The following WDR41 variants were observed in gnomAD, a reference collection of about 807,000 sequenced individuals.
WDR41 encodes the protein WD repeat-containing protein 41.
In WDR41, 63 loss-of-function variants were observed where a neutral mutation model predicts 69.3. The observed-to-expected ratio is 0.91, with a 90% confidence interval of 0.74 to 1.12. The LOEUF is 1.12. Ranked by LOEUF, WDR41 falls within the 50% of genes most tolerant of loss-of-function variation. The pLI is 0.00. For synonymous variants in WDR41, 185 were observed against 192.1 expected, an observed-to-expected ratio of 0.96 and a Z score of 0.31; for missense variants, 543 against 534.5, an observed-to-expected ratio of 1.02 and a Z score of -0.16.
chr5:77,584,270 A>G (rs897091338), intron 1 of WDR41, among the ~76,000 whole-genome samples: 5 of 152,196 alleles, frequency 3.3e-5, no homozygotes, highest in Non-Finnish European at 7.3e-5. Flanking sequence ...AATAAAAGAC[A>G]TATAGACTAG....
intron 2 of WDR41, among the ~76,000 whole-genome samples, chr5:77,470,117 C>A (rs1259052394): frequency 6.6e-6 from 1 of 151,468 alleles, no homozygotes; most frequent in Non-Finnish European, 1.5e-5. Flanking sequence ...TAATGGGGGC[C>A]AATATTCAAC....
intron 1 of WDR41, among the ~76,000 whole-genome samples, chr5:77,502,391 T>A (rs1802031613): frequency 6.6e-6 from 1 of 151,302 alleles, no homozygotes; most frequent in Non-Finnish European, 1.5e-5. Flanking sequence ...AAATCTACGT[T>A]TGATAGGTGT....
chr5:77,497,188 T>C (rs143289143), upstream of WDR41, among the ~76,000 whole-genome samples: 538 of 152,268 alleles, frequency 3.5e-3, 5 homozygotes, highest in African/African-American at 0.012. Context: ...ACATTAAATT[T>C]GGCAAAATTT....
intron 1 of WDR41, among the ~76,000 whole-genome samples, chr5:77,544,338 T>C (rs1253701466): frequency 3.3e-5 from 5 of 152,048 alleles, no homozygotes; most frequent in South Asian, 2.1e-4. Flanking sequence ...TAACATTGAA[T>C]GTAAATGGCC....
In WDR41 at chr5:77,435,188, A is replaced by G. The variant is rs141830744; in HGVS notation, c.1227+1073T>C. ...AGCTACTTGTTAGAGGAAAGCAAAG[A>G]TAACTATGACACTGTACCCCAACAT... On this transcript the variant is annotated intron_variant, in intron 12 of 12. Coordinates refer to ENST00000296679, the MANE Select transcript of WDR41 (RefSeq NM_018268.4). Among the ~76,000 whole-genome samples the G allele has an allele frequency of 4.6e-5, 7 of 152,368 alleles. No homozygotes were observed. The East Asian group carries it at 1.2e-3, about 25-fold the overall frequency.
rs539902686 is a variant in WDR41, at chr5:77,606,743, C to CTGGT, written c.42+13735_42+13736insACCA. Reference sequence around the variant, plus strand: ...ACTTGAGACCAGGAGTTTGAGGCTGCACCAAGCCATGATTGTGCCACTGCA... The same window carrying CTGGT: ...ACTTGAGACCAGGAGTTTGAGGCTGCTGGTACCAAGCCATGATTGTGCCACTGCA... On this transcript the variant is annotated intron_variant, in intron 1 of 5. Transcript: ENST00000509971. Among the ~76,000 whole-genome samples, 108 of 151,968 alleles carry CTGGT rather than the reference C, an allele frequency of 7.1e-4. No homozygotes were observed. In the East Asian group the frequency reaches 0.017, roughly 24 times the overall value.
intron 2 of WDR41, among the ~76,000 whole-genome samples, chr5:77,488,178 G>A (rs947210835): frequency 5.3e-5 from 8 of 152,216 alleles, no homozygotes; most frequent in Non-Finnish European, 1.0e-4. Context: ...TACATGGCTT[G>A]CAGCTAGTGT....
chr5:77,547,000 A>C (rs1743211506), intron 1 of WDR41, among the ~76,000 whole-genome samples: 1 of 152,190 alleles, frequency 6.6e-6, no homozygotes, highest in Non-Finnish European at 1.5e-5. Context: ...TACATCACAT[A>C]AACAGAATTA....
rs561743168 is a variant in WDR41, at chr5:77,488,716, A to G, written c.167+741T>C. On this transcript the variant is annotated intron_variant, in intron 2 of 12. Transcript: ENST00000296679. ...CCACCATCTATGAATTATCTGCTACATGTAAGGCACTGTACTAGGTACTAA... is the reference window on the plus strand; with the variant it reads ...CCACCATCTATGAATTATCTGCTACGTGTAAGGCACTGTACTAGGTACTAA... 9.3e-4 allele frequency among the ~76,000 whole-genome samples: 141 copies of G among 152,316 alleles called. 1 individual carries two copies. In the South Asian group the frequency reaches 0.028, roughly 30 times the overall value.
intron 5 of WDR41, chr5:77,458,786 CT>C: frequency 3.9e-6 from 1 of 258,050 alleles, no homozygotes; most frequent in Non-Finnish European, 7.3e-6. Context: ...AGTAATATCT[CT>C]TCCTGGAACT....
chr5:77,433,060 A>ATATT lies in WDR41; in HGVS notation c.*71_*74dup. On this transcript the variant is annotated 3_prime_UTR_variant, in exon 13 of 13. Transcript: ENST00000296679. ...AAAATTACCAATTTAAGTGATCAAT[A>ATATT]TATTAATGGTTTTCAGAGTAGTACC... 2.1e-6 allele frequency: 3 copies of ATATT among 1,447,364 alleles called. No homozygotes were observed. Among genetic ancestry groups the ATATT allele is most frequent in the Non-Finnish European group, 2.8e-6 (3 of 1,086,238 alleles). 89.7% of individuals were successfully genotyped at this position (1,447,364 alleles called of 1,614,324 possible).
intron 9 of WDR41, 69 bp from the exon 10 acceptor site, chr5:77,438,430 C>T (rs769197340): frequency 3.2e-6 from 5 of 1,578,582 alleles, no homozygotes; most frequent in Non-Finnish European, 4.3e-6. Context: ...GGATTTCCAG[C>T]CCTCATGTGA....
At chr5:77,443,234 T>C in intron 8 of WDR41, among the ~76,000 whole-genome samples, 1 of 152,176 alleles carries the variant, frequency 6.6e-6, no homozygotes. Context: ...TTTGCGCCCC[T>C]GGTAGTATTT....
chr5:77,538,200 T>C (rs1471751327), intron 1 of WDR41, among the ~76,000 whole-genome samples: 1 of 152,212 alleles, frequency 6.6e-6, no homozygotes, highest in East Asian at 1.9e-4. Context: ...CATGCAATAT[T>C]AATCTTTTGT....
chr5:77,604,609 T>A (rs983054532), intron 1 of WDR41, among the ~76,000 whole-genome samples: 8 of 152,176 alleles, frequency 5.3e-5, no homozygotes, highest in Non-Finnish European at 1.0e-4. Context: ...AAATTAAAAA[T>A]GGAAAAGTCT....
rs567763385 is a variant in WDR41, at chr5:77,590,588, G to A, written c.42+29891C>T. ...GAGCTGACAAAGAGGAAGATGCAGA[G>A]GGGAACTGAGAGTGAGCTCTGTTAG... is the stretch of plus-strand genomic sequence containing the variant. On this transcript the variant is annotated intron_variant, in intron 1 of 5. Coordinates refer to the WDR41 transcript ENST00000509971. Among the ~76,000 whole-genome samples, 4 of 152,268 alleles carry A rather than the reference G, an allele frequency of 2.6e-5. No homozygotes were observed. In the South Asian group the frequency reaches 8.3e-4, roughly 32 times the overall value.
intron 1 of WDR41, among the ~76,000 whole-genome samples, chr5:77,564,922 T>G (rs564094595): frequency 2.0e-5 from 3 of 152,156 alleles, no homozygotes; most frequent in Non-Finnish European, 4.4e-5. Flanking sequence ...TTAAATCCCC[T>G]ATAGTCAATT....
chr5:77,485,342 A>G (rs1290495991), intron 2 of WDR41, among the ~76,000 whole-genome samples: 1 of 152,210 alleles, frequency 6.6e-6, no homozygotes, highest in Non-Finnish European at 1.5e-5. Flanking sequence ...GTTTAGCTTG[A>G]GAATATTTCC....
At chr5:77,554,010 T>G (rs941601652) in intron 1 of WDR41, among the ~76,000 whole-genome samples, 3 of 152,250 alleles carry the variant, frequency 2.0e-5, no homozygotes, top group African/African-American at 7.2e-5. Flanking sequence ...GCAGCTTTAT[T>G]TGTTATTGCT....
Sources: allele counts gnomAD v4.1 joint callset (sites outside exome capture counted in the v4.1 genomes callset), GRCh38; gene constraint gnomAD v4.1.1; transcripts MANE v1.5; gene names NCBI Gene and HGNC (gene_info 2026-07-23, HGNC 2026-07-21).